The following LIMCH1 variants were observed in gnomAD, a reference collection of about 807,000 sequenced individuals.
LIMCH1 encodes LIM and calponin homology domains-containing protein 1.
LIMCH1 carries 113 observed loss-of-function variants against 176.5 expected under a neutral mutation model. The ratio of observed to expected loss-of-function variants is 0.64; its 90% CI spans 0.55 to 0.75. The LOEUF is 0.75. Among genes scored for constraint, LIMCH1 ranks in the 30% least tolerant of loss-of-function variants. The pLI is 0.00. For missense variants in LIMCH1, 1,674 were observed against 1,814.9 expected, an observed-to-expected ratio of 0.92 and a Z score of 1.41; for synonymous variants, 619 against 645.9, an observed-to-expected ratio of 0.96 and a Z score of 0.63.
At position 41,626,958 on chromosome 4, in the gene LIMCH1, A is replaced by G; in HGVS notation, c.976A>G (p.Ser326Gly). Residue 326 changes from serine to glycine, a missense_variant, in exon 8 of 32, where the codon AGC (serine) becomes GGC (glycine). Ser to Gly is a moderately conservative substitution (Grantham distance 56). Coordinates refer to ENST00000503057, the MANE Select transcript of LIMCH1 (RefSeq NM_001330672.2). The stretch of plus-strand genomic sequence containing the variant: ...GAAAGGGGCAGAGAAATCAGATGGC[A>G]GCAAACAGCTCTCAAAGGGAATCTC... ...PKKGAEKSDG[S>G]KQLSKGISKK... The G allele has an allele frequency of 6.5e-7, 1 of 1,536,160 alleles. No individual in the cohort carries two copies. The highest frequency in any genetic ancestry group is 8.7e-7 in the Non-Finnish European group (1 of 1,146,914).
chr4:41,387,034 T>G (rs933618350), intron 1 of LIMCH1, among the ~76,000 whole-genome samples: 2 of 152,206 alleles, frequency 1.3e-5, no homozygotes, highest in Non-Finnish European at 2.9e-5. Context: ...GATGAAGAGC[T>G]GCCTATCAGA....
At chr4:41,632,510 G>A (rs896309593) in intron 10 of LIMCH1, among the ~76,000 whole-genome samples, 3 of 152,098 alleles carry the variant, frequency 2.0e-5, no homozygotes, top group Non-Finnish European at 4.4e-5. Context: ...ATCCTGAGAG[G>A]CCCATCATTC....
chr4:41,596,929 C>G (rs73810279), intron 1 of LIMCH1, among the ~76,000 whole-genome samples: 1 of 152,038 alleles, frequency 6.6e-6, no homozygotes, highest in Non-Finnish European at 1.5e-5. Context: ...GCCACCCTCA[C>G]TGGGGGAAAA....
At chr4:41,413,718 G>A (rs1291170290) in intron 1 of LIMCH1, among the ~76,000 whole-genome samples, 1 of 152,074 alleles carries the variant, frequency 6.6e-6, no homozygotes, top group Non-Finnish European at 1.5e-5. Flanking sequence ...TTGTTCTGGT[G>A]GCAGTGAATA....
chr4:41,631,153 G>T lies in LIMCH1; in HGVS notation c.1277G>T (p.Gly426Val). Residue 426 changes from glycine to valine, a missense_variant, in exon 10 of 32, where the codon GGA (glycine) becomes GTA (valine). Transcript: ENST00000503057. ...TTATTTCTGGTTTTGACTAGGGATGGAGATGTTCAGCACATCTGTGCTTCT... is the reference window on the plus strand; with the variant it reads ...TTATTTCTGGTTTTGACTAGGGATGTAGATGTTCAGCACATCTGTGCTTCT... ...RLKVSEKARD[G>V]DVQHICASEP... 7.9e-6 allele frequency: 12 copies of T among 1,525,942 alleles called. No homozygotes were observed. Among genetic ancestry groups the T allele is most frequent in the Non-Finnish European group, 1.1e-5 (12 of 1,141,938 alleles). 94.5% of individuals were successfully genotyped at this position (1,525,942 alleles called of 1,614,324 possible). A position where few individuals can be genotyped will look rare whatever the true frequency, so the allele number is the denominator to read the frequency against.
chr4:41,400,268 A>G (rs1030399498), intron 1 of LIMCH1, among the ~76,000 whole-genome samples: 4 of 152,208 alleles, frequency 2.6e-5, no homozygotes, highest in African/African-American at 9.7e-5. Flanking sequence ...AGAGAAAAAA[A>G]TGGAAGTCCA....
chr4:41,680,562 A>G (rs905164508), intron 24 of LIMCH1, among the ~76,000 whole-genome samples: 19 of 152,228 alleles, frequency 1.2e-4, no homozygotes, highest in African/African-American at 4.6e-4. Flanking sequence ...TTTTAAATGA[A>G]TAAGCCAGAA....
chr4:41,610,089 G>A (rs186008371), intron 4 of LIMCH1, among the ~76,000 whole-genome samples: 57 of 152,314 alleles, frequency 3.7e-4, no homozygotes, highest in African/African-American at 1.3e-3. Context: ...TTGGTCCAAG[G>A]TTTGATTCTT....
rs765992303 is a variant in LIMCH1 at position 41,419,681 on chromosome 4, C to CTCCTTCCT, written c.96+58778_96+58785dup. On this transcript the variant is annotated intron_variant, in intron 1 of 26. Transcript: ENST00000313860. ...CCTTCCTTCCTTCCTTCCTTCCTTC[C>CTCCTTCCT]TCCTTCCTTCCTTCCTTCCTTCCTT... Among the ~76,000 whole-genome samples, 232 of 56,282 alleles carry CTCCTTCCT rather than the reference C, an allele frequency of 4.1e-3. 5 individuals are homozygous for CTCCTTCCT. Among genetic ancestry groups the CTCCTTCCT allele is most frequent in the Middle Eastern group, 0.016 (1 of 64 alleles). The allele number at this position is 56,282 out of a possible 152,430, so 36.9% of individuals were successfully genotyped here.
intron 1 of LIMCH1, among the ~76,000 whole-genome samples, chr4:41,549,563 A>G (rs1053885551): frequency 6.6e-6 from 1 of 152,200 alleles, no homozygotes; most frequent in African/African-American, 2.4e-5. Flanking sequence ...CCTCACTTAA[A>G]AAATGAAGAA....
chr4:41,471,027 CTTTT>C (rs34026751), intron 1 of LIMCH1, among the ~76,000 whole-genome samples: 1 of 131,330 alleles, frequency 7.6e-6, no homozygotes. Context: ...CAAACTAAGA[CTTTT>C]TTTTTTTTTT....
chr4:41,430,556 A>G (rs2061512312), intron 1 of LIMCH1, among the ~76,000 whole-genome samples: 1 of 152,194 alleles, frequency 6.6e-6, no homozygotes, highest in African/African-American at 2.4e-5. Flanking sequence ...GCCATCGGGC[A>G]CCCTGCCCCC....
At chr4:41,401,941 G>T (rs950082322) in intron 1 of LIMCH1, among the ~76,000 whole-genome samples, 1 of 152,152 alleles carries the variant, frequency 6.6e-6, no homozygotes, top group South Asian at 2.1e-4. Flanking sequence ...GGCTGAGACA[G>T]TGGGGTTTTC....
intron 2 of LIMCH1, among the ~76,000 whole-genome samples, chr4:41,515,672 G>T (rs571771365): frequency 6.6e-6 from 1 of 152,344 alleles, no homozygotes; most frequent in East Asian, 1.9e-4. Context: ...GAGGCTCGTG[G>T]ATGTCAAATG....
intron 1 of LIMCH1, among the ~76,000 whole-genome samples, chr4:41,428,980 C>T (rs2061357973): frequency 1.3e-5 from 2 of 152,306 alleles, no homozygotes; most frequent in Admixed American, 1.3e-4. Context: ...CTGACTGTTA[C>T]TCTTTCGAAG....
At chr4:41,633,118 G>A in intron 12 of LIMCH1, 33 bp downstream of exon 12, 1 of 1,429,730 alleles carries the variant, frequency 7.0e-7, no homozygotes, top group Non-Finnish European at 9.5e-7. Flanking sequence ...GCTCCGTGGT[G>A]TGTTGCCCCT....
chr4:41,629,222 G>T (rs1032332088), intron 8 of LIMCH1, among the ~76,000 whole-genome samples: 3 of 152,162 alleles, frequency 2.0e-5, no homozygotes, highest in African/African-American at 7.2e-5. Flanking sequence ...TAATCTTTCA[G>T]CAGGCACGGC....
chr4:41,484,376 C>T (rs1441793701), intron 1 of LIMCH1, among the ~76,000 whole-genome samples: 1 of 152,202 alleles, frequency 6.6e-6, no homozygotes, highest in African/African-American at 2.4e-5. Context: ...TGGTTGATTT[C>T]TAATTATGGC....
intron 26 of LIMCH1, among the ~76,000 whole-genome samples, chr4:41,682,672 C>CT (rs1479823691): frequency 0.035 from 4,867 of 138,784 alleles, 135 homozygotes; most frequent in South Asian, 0.084. Flanking sequence ...TTTTTTTCTT[C>CT]TTCTTCTTTT....
Sources: allele counts gnomAD v4.1 joint callset (sites outside exome capture counted in the v4.1 genomes callset), GRCh38; gene constraint gnomAD v4.1.1; transcripts MANE v1.5; gene names NCBI Gene and HGNC (gene_info 2026-07-23, HGNC 2026-07-21).